The following KIRREL1 variants were observed in gnomAD, a reference collection of about 807,000 sequenced individuals.
KIRREL1 encodes the protein kirre like nephrin family adhesion molecule 1.
In KIRREL1, 25 loss-of-function variants were observed where a neutral mutation model predicts 83.3. The ratio of observed to expected loss-of-function variants is 0.30; its 90% CI spans 0.22 to 0.42. The LOEUF (loss-of-function observed/expected upper bound fraction) is 0.42. Ranked by LOEUF, KIRREL1 falls within the 10% of genes least tolerant of loss-of-function variation. The pLI is 1.00. For synonymous variants in KIRREL1, 388 were observed against 410.4 expected, an observed-to-expected ratio of 0.95 and a Z score of 0.66; for missense variants, 812 against 1,032.3, an observed-to-expected ratio of 0.79 and a Z score of 2.92.
chr1:158,086,488 A>T, intron 4 of KIRREL1, 108 bp from the exon 5 acceptor site: 1 of 1,079,738 alleles, frequency 9.3e-7, no homozygotes, highest in Non-Finnish European at 1.3e-6. Flanking sequence ...ATTGAGCTTT[A>T]AGTTAAAGTA....
At chr1:158,000,525 C>A (rs960822246) in intron 1 of KIRREL1, among the ~76,000 whole-genome samples, 1 of 152,246 alleles carries the variant, frequency 6.6e-6, no homozygotes, top group Non-Finnish European at 1.5e-5. Context: ...TACCTTCCTA[C>A]GTCTGATTGT....
intron 1 of KIRREL1, among the ~76,000 whole-genome samples, chr1:158,051,204 G>A (rs770879735): frequency 5.3e-5 from 8 of 152,130 alleles, no homozygotes; most frequent in African/African-American, 9.7e-5. Flanking sequence ...GTGCATACTC[G>A]GTGCCTTCCC....
intron 3 of KIRREL1, among the ~76,000 whole-genome samples, chr1:158,079,224 C>T (rs1243982837): frequency 1.3e-5 from 2 of 152,072 alleles, no homozygotes; most frequent in African/African-American, 2.4e-5. Flanking sequence ...ACTGAATTTG[C>T]GGGGAGCCCC....
intron 6 of KIRREL1, 68 bp downstream of exon 6, chr1:158,087,928 C>G (rs973543671): frequency 6.2e-6 from 10 of 1,606,740 alleles, no homozygotes; most frequent in Admixed American, 5.0e-5. Context: ...AGAGGCTGTA[C>G]TGGGGAGGCC....
chr1:158,049,096 T>G (rs568693477), intron 1 of KIRREL1, among the ~76,000 whole-genome samples: 7 of 152,244 alleles, frequency 4.6e-5, no homozygotes, highest in African/African-American at 9.6e-5. Flanking sequence ...GAATAAGGTA[T>G]TTGTAGAAGG....
intron 1 of KIRREL1, among the ~76,000 whole-genome samples, chr1:158,013,138 G>A (rs761516418): frequency 1.3e-5 from 2 of 152,296 alleles, no homozygotes; most frequent in South Asian, 2.1e-4. Flanking sequence ...ATGCCACACT[G>A]CTGTCCATTT....
At chr1:158,017,014 C>T (rs1255930216) in intron 1 of KIRREL1, among the ~76,000 whole-genome samples, 2 of 152,190 alleles carry the variant, frequency 1.3e-5, no homozygotes, top group Admixed American at 6.5e-5. Context: ...AGAAAAAAGT[C>T]GCCATGACAT....
chr1:158,005,961 T>C (rs559305623), intron 1 of KIRREL1, among the ~76,000 whole-genome samples: 2 of 152,142 alleles, frequency 1.3e-5, no homozygotes, highest in Non-Finnish European at 2.9e-5. Context: ...GGGAATCCTG[T>C]CCACTGGGGG....
chr1:158,025,062 T>C (rs1660129681), intron 1 of KIRREL1, among the ~76,000 whole-genome samples: 1 of 152,160 alleles, frequency 6.6e-6, no homozygotes, highest in African/African-American at 2.4e-5. Context: ...GGAGAAAGCA[T>C]CTTCCATTTT....
At chr1:158,090,452 A>G (rs1662162746) in intron 10 of KIRREL1, among the ~76,000 whole-genome samples, 1 of 152,044 alleles carries the variant, frequency 6.6e-6, no homozygotes, top group East Asian at 1.9e-4. Flanking sequence ...ATCACATTTA[A>G]TGACCATTTG....
At chr1:158,010,459 ACT>A (rs1659654719) in intron 1 of KIRREL1, among the ~76,000 whole-genome samples, 1 of 144,498 alleles carries the variant, frequency 6.9e-6, no homozygotes, top group South Asian at 2.2e-4. Context: ...ACACACACAC[ACT>A]GTCCTGAGAA....
chr1:158,034,282 A>AAG (rs1553238657), intron 1 of KIRREL1, among the ~76,000 whole-genome samples: 4 of 126,588 alleles, frequency 3.2e-5, no homozygotes, highest in Non-Finnish European at 5.1e-5. Context: ...AAAAAAAAAA[A>AAG]AAAAGAAAAA....
Position 158,094,843 on chromosome 1 carries a change from C to T in KIRREL1, c.1997C>T (p.Thr666Ile), listed in dbSNP as rs1416752452. Residue 666 changes from threonine to isoleucine, a missense_variant, in exon 15 of 15, where the codon ACA (threonine) becomes ATA (isoleucine). By Grantham distance (89) the Thr-to-Ile change is moderately conservative (BLOSUM62 -1). Coordinates refer to ENST00000359209, the MANE Select transcript of KIRREL1 (RefSeq NM_018240.7). The surrounding 1 kb of genome is among the most constrained non-coding windows in gnomAD (Gnocchi z 4.6). ...GPASDYGPEP[T>I]PPGPAAPAGT... ...GCCTCTGACTATGGCCCTGAGCCCA[C>T]ACCCCCTGGCCCTGCTGCCCCAGCT... The T allele has an allele frequency of 6.2e-6, 10 of 1,613,812 alleles. No individual in the cohort carries two copies. The Admixed American group carries it at 1.7e-4, about 27-fold the overall frequency.
intron 1 of KIRREL1, among the ~76,000 whole-genome samples, chr1:158,060,778 C>T (rs74120542): frequency 3.3e-5 from 5 of 152,110 alleles, no homozygotes; most frequent in African/African-American, 9.7e-5. Flanking sequence ...ATGCTGGAGT[C>T]GGGGCTTGAA....
chr1:158,042,802 G>A (rs1243943949), intron 1 of KIRREL1, among the ~76,000 whole-genome samples: 4 of 151,590 alleles, frequency 2.6e-5, no homozygotes, highest in Admixed American at 1.3e-4. Flanking sequence ...GGCTGGGCAC[G>A]GTGGCTCACT....
intron 1 of KIRREL1, among the ~76,000 whole-genome samples, chr1:158,059,065 C>A (rs761668735): frequency 6.6e-6 from 1 of 152,122 alleles, no homozygotes; most frequent in Non-Finnish European, 1.5e-5. Context: ...CTACACAGCA[C>A]CCTTCCCACT....
intron 1 of KIRREL1, among the ~76,000 whole-genome samples, chr1:158,034,269 CAAAAAAAA>C (rs750353894): frequency 1.8e-5 from 2 of 113,696 alleles, no homozygotes; most frequent in African/African-American, 7.3e-5. Context: ...GACTCCGTCT[CAAAAAAAA>C]AAAAAAAAAG....
chr1:158,014,265 T>C (rs1160150400), intron 1 of KIRREL1, among the ~76,000 whole-genome samples: 2 of 152,006 alleles, frequency 1.3e-5, no homozygotes, highest in Non-Finnish European at 2.9e-5. Context: ...TCAACTTTTA[T>C]TTAAAATCAG....
intron 1 of KIRREL1, among the ~76,000 whole-genome samples, chr1:158,041,120 A>G (rs1458525115): frequency 1.3e-5 from 2 of 152,222 alleles, no homozygotes; most frequent in African/African-American, 4.8e-5. Context: ...ACAAAGATGA[A>G]TTGAATAGGA....
Sources: gnomAD v4.1 joint callset for allele counts (sites outside exome capture counted in the v4.1 genomes callset) on GRCh38, gnomAD v4.1.1 for gene constraint, Gnocchi (gnomAD v3.1) non-coding constraint, MANE v1.5 for transcripts, NCBI Gene and HGNC (gene_info 2026-07-23, HGNC 2026-07-21) for gene names.